Variants in CYP19A1 observed in about 807,000 individuals in gnomAD.
CYP19A1 encodes the protein cytochrome P450 family 19 subfamily A member 1.
A neutral mutation model predicts 44.4 loss-of-function variants in CYP19A1; 32 were observed. That is an observed-to-expected ratio of 0.72 (90% CI 0.54 to 0.97). The LOEUF (loss-of-function observed/expected upper bound fraction) is 0.97. Among genes scored for constraint, CYP19A1 ranks in the 50% least tolerant of loss-of-function variants. CYP19A1 has a pLI of 0.00. For synonymous variants in CYP19A1, 212 were observed against 215.6 expected (o/e 0.98, Z 0.14); for missense variants, 598 against 637.8 (o/e 0.94, Z 0.67).
intron 2 of CYP19A1, among the ~76,000 whole-genome samples, chr15:51,237,527 G>A (rs1176968618): frequency 2.6e-5 from 4 of 152,300 alleles, no homozygotes; most frequent in South Asian, 2.1e-4. Context: ...GATCTACAAG[G>A]AGAATGTCCA....
chr15:51,264,320 A>C (rs1441764967), intron 1 of CYP19A1, among the ~76,000 whole-genome samples: 1 of 152,170 alleles, frequency 6.6e-6, no homozygotes, highest in African/African-American at 2.4e-5. Flanking sequence ...CTGGGTAGTC[A>C]GGGCATTGGT....
chr15:51,254,802 T>C (rs886585830), intron 1 of CYP19A1, among the ~76,000 whole-genome samples: 1 of 152,226 alleles, frequency 6.6e-6, no homozygotes, highest in African/African-American at 2.4e-5. Context: ...TATACTTGAA[T>C]ATATTGAATG....
At chr15:51,282,911 AAGTT>A (rs2035574732) in intron 1 of CYP19A1, among the ~76,000 whole-genome samples, 1 of 152,172 alleles carries the variant, frequency 6.6e-6, no homozygotes, top group Non-Finnish European at 1.5e-5. Context: ...GTGGGGGTGA[AAGTT>A]AGTACTCAGA....
At chr15:51,333,620 A>G (rs2141032452) in intron 1 of CYP19A1, among the ~76,000 whole-genome samples, 1 of 152,352 alleles carries the variant, frequency 6.6e-6, no homozygotes, top group Non-Finnish European at 1.5e-5. Context: ...TAAAGGCTGA[A>G]GTTGGCCCTG....
At chr15:51,215,522 C>T (rs934828594) in intron 7 of CYP19A1, among the ~76,000 whole-genome samples, 181 bp downstream of exon 7, 2 of 152,200 alleles carry the variant, frequency 1.3e-5, no homozygotes, top group African/African-American at 4.8e-5. Flanking sequence ...CTAGAATGTT[C>T]CAATCTTAAA....
chr15:51,262,168 C>T (rs1323482889), intron 1 of CYP19A1, among the ~76,000 whole-genome samples: 2 of 152,224 alleles, frequency 1.3e-5, no homozygotes, highest in Non-Finnish European at 1.5e-5. Context: ...CGATCTGTGC[C>T]TTAAGGACAT....
intron 1 of CYP19A1, among the ~76,000 whole-genome samples, chr15:51,292,842 C>T (rs992153840): frequency 4.0e-5 from 6 of 151,546 alleles, no homozygotes; most frequent in African/African-American, 1.5e-4. Context: ...CAAGAGATGC[C>T]ATTTCCTTTG....
chr15:51,290,174 G>C (rs916762215), intron 1 of CYP19A1, among the ~76,000 whole-genome samples: 1 of 152,164 alleles, frequency 6.6e-6, no homozygotes, highest in Non-Finnish European at 1.5e-5. Flanking sequence ...CCTTTGCACA[G>C]TGCCTGGCAT....
rs1310691013 is a variant in CYP19A1 at position 51,216,019 on chromosome 15, T to TAGCTCTGGCTA, written c.744-203_744-202insTAGCCAGAGCT. On this transcript the variant is annotated intron_variant, in intron 6 of 9. Transcript: ENST00000396402. The stretch of plus-strand genomic sequence containing the variant: ...ACACTTCATGTTAAGGTGCCAGAGT[T>TAGCTCTGGCTA]AGCTAAGATTTCTGGATACTGGTAG... 6.4e-6 allele frequency: 7 copies of TAGCTCTGGCTA among 1,085,714 alleles called. No individual in the cohort carries two copies. In the African/African-American group the frequency reaches 1.1e-4, roughly 17 times the overall value. 67.3% of individuals were successfully genotyped at this position (1,085,714 alleles called of 1,614,324 possible). A position where few individuals can be genotyped will look rare whatever the true frequency, so the allele number is the denominator to read the frequency against.
chr15:51,317,344 C>T (rs188561356), intron 1 of CYP19A1, among the ~76,000 whole-genome samples: 72 of 152,224 alleles, frequency 4.7e-4, no homozygotes, highest in African/African-American at 1.5e-3. Flanking sequence ...CTCCTGACCT[C>T]GTGATCGGCC....
chr15:51,234,609 C>T (rs181837750), intron 3 of CYP19A1, among the ~76,000 whole-genome samples: 2 of 152,194 alleles, frequency 1.3e-5, no homozygotes, highest in East Asian at 3.9e-4. Flanking sequence ...ATTCTTTACT[C>T]CAGTTCTAGT....
intron 1 of CYP19A1, among the ~76,000 whole-genome samples, chr15:51,246,746 G>C (rs1167926869): frequency 6.6e-6 from 1 of 152,170 alleles, no homozygotes; most frequent in Admixed American, 6.5e-5. Flanking sequence ...TGGAACTTCT[G>C]CCTAGCATGA....
chr15:51,277,954 GTTTTTTTTT>G (rs68014518), intron 1 of CYP19A1: 13 of 110,578 alleles, frequency 1.2e-4, no homozygotes, highest in Admixed American at 5.7e-4. Context: ...AGTTGCATGA[GTTTTTTTTT>G]TTTTTTTTTT....
Position 51,222,521 on chromosome 15 carries a change from CAG to C in CYP19A1, c.454_455del (p.Leu152ValfsTer14). On this transcript the variant is annotated frameshift_variant and splice_region_variant, in exon 5 of 10. Transcript: ENST00000396402. LOFTEE classifies it high-confidence loss of function. ...CCATACGAACAAGGCCGGGGCCTGA[CAG>C]AGCTGCAGAGTACACATCAGAGAAT... is the stretch of plus-strand genomic sequence containing the variant. Reference protein sequence around the residue: ...KTTRPFFMKALSGPGLVRMVT... With the variant: ...KTTRPFFMKAXSGPGLVRMVT... The C allele has an allele frequency of 6.2e-7, 1 of 1,612,730 alleles. No individual in the cohort carries two copies. Among genetic ancestry groups the C allele is most frequent in the African/African-American group, 1.3e-5 (1 of 75,036 alleles).
intron 1 of CYP19A1, among the ~76,000 whole-genome samples, chr15:51,294,610 T>A (rs1236446234): frequency 4.7e-5 from 5 of 105,630 alleles, no homozygotes; most frequent in Middle Eastern, 9.0e-3. Flanking sequence ...CCCGGCCAGC[T>A]GCCCTGTCCG....
At chr15:51,278,721 C>T (rs2035413610) in intron 1 of CYP19A1, among the ~76,000 whole-genome samples, 1 of 152,174 alleles carries the variant, frequency 6.6e-6, no homozygotes, top group African/African-American at 2.4e-5. Flanking sequence ...GGGTAAAAGT[C>T]TCTCTACCTT....
chr15:51,227,941 G>C lies in CYP19A1; in HGVS notation c.297-8C>G. 6.4e-7 allele frequency: 1 copy of C among 1,555,176 alleles called. No homozygotes were observed. Among genetic ancestry groups the C allele is most frequent in the South Asian group, 1.1e-5 (1 of 89,910 alleles). On this transcript the variant is annotated splice_polypyrimidine_tract_variant and splice_region_variant and intron_variant, in intron 3 of 9. Coordinates refer to ENST00000396402, the MANE Select transcript of CYP19A1 (RefSeq NM_000103.4). ...TGGAACATACTTGAGGACCTGAAAA[G>C]ACAGGAAACTTTGGTGTCAATTTTT...
At chr15:51,280,803 G>T (rs913368707) in intron 1 of CYP19A1, among the ~76,000 whole-genome samples, 3 of 152,144 alleles carry the variant, frequency 2.0e-5, no homozygotes, top group Non-Finnish European at 2.9e-5. Flanking sequence ...TGTCATTTTG[G>T]GTCTTGCAGT....
At chr15:51,236,708 T>C (rs1242415141) in intron 3 of CYP19A1, 151 bp downstream of exon 3, 9 of 912,070 alleles carry the variant, frequency 9.9e-6, no homozygotes, top group Admixed American at 2.0e-5. Flanking sequence ...CTGTTTGCAA[T>C]GTTAGATTTC....
Sources: gnomAD v4.1 joint callset for allele counts (sites outside exome capture counted in the v4.1 genomes callset) on GRCh38, gnomAD v4.1.1 for gene constraint, MANE v1.5 for transcripts, NCBI Gene and HGNC (gene_info 2026-07-23, HGNC 2026-07-21) for gene names.